The following DENND2A variants were observed in gnomAD, a reference collection of about 807,000 sequenced individuals.
The protein encoded by DENND2A is DENN domain containing 2A.
A neutral mutation model predicts 105.3 loss-of-function variants in DENND2A; 53 were observed. That is an observed-to-expected ratio of 0.50 (90% CI 0.40 to 0.63). The LOEUF (loss-of-function observed/expected upper bound fraction) is 0.63. Among genes scored for constraint, DENND2A ranks in the 30% least tolerant of loss-of-function variants. The pLI, the probability that DENND2A is intolerant of heterozygous loss-of-function variation, is 0.00. For synonymous variants in DENND2A, 522 were observed against 508.4 expected, an observed-to-expected ratio of 1.03 and a Z score of -0.36; for missense variants, 1,138 against 1,279.6, an observed-to-expected ratio of 0.89 and a Z score of 1.69.
chr7:140,572,591 T>A (rs1798137423), intron 6 of DENND2A, among the ~76,000 whole-genome samples: 1 of 151,432 alleles, frequency 6.6e-6, no homozygotes, highest in South Asian at 2.1e-4. Flanking sequence ...TGAAACCCCG[T>A]CTCTACTAAT....
intron 14 of DENND2A, among the ~76,000 whole-genome samples, chr7:140,529,593 C>T (rs1321564514): frequency 6.6e-6 from 1 of 152,124 alleles, no homozygotes; most frequent in East Asian, 1.9e-4. Context: ...GGCACATATA[C>T]ACCATGGAAT....
At chr7:140,641,399 C>G (rs532717148), upstream of DENND2A, 1 of 152,448 alleles carries the variant, frequency 6.6e-6, no homozygotes, top group South Asian at 2.1e-4. Flanking sequence ...CCGCTGCCCC[C>G]ACTCACGCAG....
At chr7:140,563,437 G>A (rs1448159349) in intron 9 of DENND2A, among the ~76,000 whole-genome samples, 1 of 152,074 alleles carries the variant, frequency 6.6e-6, no homozygotes, top group Non-Finnish European at 1.5e-5. Flanking sequence ...TCCCTGAACT[G>A]TCAAAGATAA....
chr7:140,567,396 C>T (rs943266271), intron 8 of DENND2A, 123 bp from the exon 9 acceptor site: 10 of 839,594 alleles, frequency 1.2e-5, no homozygotes, highest in Admixed American at 5.9e-5. Context: ...GGAATTGTGC[C>T]GAGCTGCAAT....
intron 3 of DENND2A, among the ~76,000 whole-genome samples, chr7:140,596,997 T>C (rs1799309665): frequency 6.6e-6 from 1 of 152,126 alleles, no homozygotes; most frequent in Non-Finnish European, 1.5e-5. Flanking sequence ...CATTTTAGGA[T>C]TGAAGGCCTA....
chr7:140,528,888 G>T (rs929265430), intron 14 of DENND2A, among the ~76,000 whole-genome samples: 28 of 152,168 alleles, frequency 1.8e-4, no homozygotes, highest in African/African-American at 6.5e-4. Flanking sequence ...GGAGGCTGAG[G>T]TGGTCAGAAG....
At chr7:140,589,583 T>C (rs1235643058) in intron 3 of DENND2A, among the ~76,000 whole-genome samples, 1 of 152,138 alleles carries the variant, frequency 6.6e-6, no homozygotes, top group African/African-American at 2.4e-5. Context: ...GCCTTTTCTT[T>C]GAGAGAGAGA....
chr7:140,581,518 A>T (rs1798540995), intron 5 of DENND2A, among the ~76,000 whole-genome samples: 1 of 152,194 alleles, frequency 6.6e-6, no homozygotes, highest in African/African-American at 2.4e-5. Flanking sequence ...GGGGGAGGTC[A>T]CATGGAGGGA....
At chr7:140,555,575 G>A (rs1192189900) in intron 12 of DENND2A, 61 bp downstream of exon 12, 19 of 1,471,716 alleles carry the variant, frequency 1.3e-5, no homozygotes, top group Non-Finnish European at 1.7e-5. Context: ...GGTATTCCCT[G>A]GAGCCCTCTA....
chr7:140,546,726 C>G, intron 13 of DENND2A, 73 bp downstream of exon 13: 1 of 1,570,856 alleles, frequency 6.4e-7, no homozygotes, highest in Non-Finnish European at 8.7e-7. Flanking sequence ...GAAAGGCAGC[C>G]CCTCTGAGCA....
chr7:140,550,036 G>A (rs1029968628), intron 12 of DENND2A, among the ~76,000 whole-genome samples: 5 of 144,526 alleles, frequency 3.5e-5, no homozygotes, highest in Middle Eastern at 3.7e-3. Flanking sequence ...AAGGACAACT[G>A]TTGATCGTTC....
chr7:140,554,271 C>T lies in DENND2A; in HGVS notation c.2037+1365G>A, dbSNP rs192436767. The stretch of plus-strand genomic sequence containing the variant: ...GGAGTACTGCTTTAACATTCATGGA[C>T]CGTAGGTGCAGGAACTTCAATTCCC... On this transcript the variant is annotated intron_variant, in intron 12 of 19. Transcript: ENST00000496613. 1.9e-3 allele frequency among the ~76,000 whole-genome samples: 283 copies of T among 151,970 alleles called. 1 individual carries two copies. Among genetic ancestry groups the T allele is most frequent in the African/African-American group, 6.6e-3 (274 of 41,490 alleles).
intron 9 of DENND2A, among the ~76,000 whole-genome samples, chr7:140,563,768 A>T (rs1797727189): frequency 6.6e-6 from 1 of 150,946 alleles, no homozygotes; most frequent in Non-Finnish European, 1.5e-5. Flanking sequence ...GAGCTCAGGA[A>T]TTCGAGGCCA....
intron 2 of DENND2A, among the ~76,000 whole-genome samples, chr7:140,605,011 CT>C (rs1395354726): frequency 2.6e-5 from 4 of 152,168 alleles, no homozygotes; most frequent in African/African-American, 7.2e-5. Flanking sequence ...CATGGAGTGA[CT>C]TCACAACTAT....
intron 5 of DENND2A, among the ~76,000 whole-genome samples, chr7:140,574,895 C>T (rs1798239670): frequency 1.3e-5 from 2 of 152,046 alleles, no homozygotes; most frequent in East Asian, 1.9e-4. Context: ...TGGCGGGTGC[C>T]TGTAATCCCA....
intron 3 of DENND2A, among the ~76,000 whole-genome samples, chr7:140,599,197 G>T (rs1237774927): frequency 6.6e-6 from 1 of 152,042 alleles, no homozygotes; most frequent in Non-Finnish European, 1.5e-5. Context: ...AATTAGCCAG[G>T]CGTGGTGGCG....
chr7:140,621,382 A>G (rs1800286789), intron 1 of DENND2A, among the ~76,000 whole-genome samples: 1 of 152,086 alleles, frequency 6.6e-6, no homozygotes, highest in African/African-American at 2.4e-5. Flanking sequence ...ATAATACCCA[A>G]TACAACCTAA....
At chr7:140,634,525 T>C (rs1034878330) in intron 1 of DENND2A, among the ~76,000 whole-genome samples, 1 of 152,172 alleles carries the variant, frequency 6.6e-6, no homozygotes, top group Non-Finnish European at 1.5e-5. Context: ...AGGCAATGTA[T>C]TATATTTTGA....
intron 5 of DENND2A, among the ~76,000 whole-genome samples, chr7:140,578,335 G>T (rs1344869007): frequency 1.3e-5 from 2 of 152,072 alleles, no homozygotes; most frequent in East Asian, 3.9e-4. Flanking sequence ...GTGGCTGGTG[G>T]CTCAATTCCT....
Sources: gnomAD v4.1 joint callset for allele counts (sites outside exome capture counted in the v4.1 genomes callset) on GRCh38, gnomAD v4.1.1 for gene constraint, MANE v1.5 for transcripts, NCBI Gene and HGNC (gene_info 2026-07-23, HGNC 2026-07-21) for gene names.